The following SMCO4 variants were observed in gnomAD, a reference collection of about 807,000 sequenced individuals.
The protein encoded by SMCO4 is single-pass membrane and coiled-coil domain-containing protein 4.
A neutral mutation model predicts 3.6 loss-of-function variants in SMCO4; 4 were observed. The observed-to-expected ratio is 1.11, with a 90% confidence interval of 0.54 to 2.53. The LOEUF (loss-of-function observed/expected upper bound fraction) is 2.53. Among genes scored for constraint, SMCO4 ranks in the 30% most tolerant of loss-of-function variants. The pLI is 0.02. For synonymous variants in SMCO4, 36 were observed against 35.3 expected (o/e 1.02, Z -0.07); for missense variants, 70 against 80.8 (o/e 0.87, Z 0.51).
At chr11:93,546,044 T>C (rs1949313372), upstream of SMCO4, among the ~76,000 whole-genome samples, 1 of 152,186 alleles carries the variant, frequency 6.6e-6, no homozygotes, top group Admixed American at 6.5e-5. Context: ...AACCCAGGAA[T>C]TGTGAGAAAT....
chr11:93,522,892 A>G (rs1028260583), intron 1 of SMCO4, among the ~76,000 whole-genome samples: 17 of 152,236 alleles, frequency 1.1e-4, no homozygotes, highest in Admixed American at 6.5e-5. Flanking sequence ...AGCCACAGCA[A>G]TAAGAGGGCT....
chr11:93,548,433 G>A, the SMCO4 span, among the ~76,000 whole-genome samples: 2 of 152,180 alleles, frequency 1.3e-5, no homozygotes, highest in African/African-American at 2.4e-5. Flanking sequence ...CCCTGCAAAG[G>A]CTTCAGACCC....
intron 1 of SMCO4, among the ~76,000 whole-genome samples, chr11:93,514,822 C>T (rs1156756688): frequency 1.3e-5 from 2 of 152,162 alleles, no homozygotes; most frequent in Non-Finnish European, 2.9e-5. Context: ...ACATACCAGA[C>T]ATAGCTAAGG....
intron 2 of SMCO4, among the ~76,000 whole-genome samples, chr11:93,492,213 C>T (rs981043807): frequency 1.3e-5 from 2 of 152,196 alleles, no homozygotes; most frequent in African/African-American, 4.8e-5. Flanking sequence ...CCAGTGTTGG[C>T]AACTAACCAT....
At chr11:93,501,214 A>G (rs2134597141) in intron 1 of SMCO4, among the ~76,000 whole-genome samples, 1 of 152,342 alleles carries the variant, frequency 6.6e-6, no homozygotes, top group African/African-American at 2.4e-5. Flanking sequence ...ATAAGTACAG[A>G]AATTGGGAGT....
intron 1 of SMCO4, among the ~76,000 whole-genome samples, chr11:93,520,378 C>T (rs1257304595): frequency 6.6e-6 from 1 of 152,132 alleles, no homozygotes; most frequent in Non-Finnish European, 1.5e-5. Context: ...CATGTTACCC[C>T]GTTTAATCCT....
At chr11:93,500,470 C>G (rs1386966149) in intron 1 of SMCO4, among the ~76,000 whole-genome samples, 1 of 152,198 alleles carries the variant, frequency 6.6e-6, no homozygotes, top group African/African-American at 2.4e-5. Context: ...CAATCACAAA[C>G]TTACCTACTG....
intron 1 of SMCO4, chr11:93,535,443 G>C (rs1949211511): frequency 7.5e-7 from 1 of 1,324,898 alleles, no homozygotes; most frequent in Non-Finnish European, 1.1e-6. Flanking sequence ...GGCTTAAGCA[G>C]AGGGAGTCGA....
intron 1 of SMCO4, among the ~76,000 whole-genome samples, chr11:93,518,572 C>A (rs1246221087): frequency 6.6e-6 from 1 of 152,116 alleles, no homozygotes. Context: ...AAAGAAAAGC[C>A]AGAAGGAAAC....
chr11:93,537,078 C>T (rs571776519), intron 1 of SMCO4, among the ~76,000 whole-genome samples: 1 of 152,230 alleles, frequency 6.6e-6, no homozygotes, highest in Non-Finnish European at 1.5e-5. Context: ...AGTTCTGGGG[C>T]CTTCCTCCCT....
At chr11:93,513,243 T>G (rs1216339709) in intron 1 of SMCO4, among the ~76,000 whole-genome samples, 1 of 152,204 alleles carries the variant, frequency 6.6e-6, no homozygotes. Flanking sequence ...CTATACAGGT[T>G]GTTGTGGGAG....
At chr11:93,504,784 G>T (rs754603918) in intron 1 of SMCO4, among the ~76,000 whole-genome samples, 9 of 152,146 alleles carry the variant, frequency 5.9e-5, no homozygotes, top group Admixed American at 6.5e-5. Flanking sequence ...AAAACAGAAA[G>T]ATGTGTTTTT....
At chr11:93,509,399 A>C (rs890330331) in intron 1 of SMCO4, among the ~76,000 whole-genome samples, 1 of 152,196 alleles carries the variant, frequency 6.6e-6, no homozygotes, top group African/African-American at 2.4e-5. Flanking sequence ...ACTATGGAAA[A>C]CAGTGTGGAG....
chr11:93,534,369 T>G (rs368691873), intron 1 of SMCO4, among the ~76,000 whole-genome samples: 1,103 of 99,712 alleles, frequency 0.011, 18 homozygotes, highest in Middle Eastern at 0.032. Flanking sequence ...TATATATATA[T>G]ATATATAGAG....
At chr11:93,544,657 G>A (rs993243658), upstream of SMCO4, among the ~76,000 whole-genome samples, 9 of 151,984 alleles carry the variant, frequency 5.9e-5, no homozygotes, top group African/African-American at 2.2e-4. Flanking sequence ...ATTTTTACAG[G>A]AAGTGTCCTT....
upstream of SMCO4, among the ~76,000 whole-genome samples, chr11:93,547,568 G>A (rs939208718): frequency 5.9e-5 from 9 of 152,098 alleles, no homozygotes; most frequent in Admixed American, 1.3e-4. Context: ...CTCCCTCCAC[G>A]AGAAAAGGGA....
chr11:93,526,754 C>T lies in SMCO4; in HGVS notation c.-154+16522G>A, dbSNP rs148798498. On this transcript the variant is annotated intron_variant, in intron 1 of 2. Coordinates refer to ENST00000298966, the MANE Select transcript of SMCO4 (RefSeq NM_020179.3). ...TCCCTACATCATGACATTTAATCAT[C>T]ACCACCATCCTGGGAGGCAGGTGGA... is the stretch of plus-strand genomic sequence containing the variant. Among the ~76,000 whole-genome samples, 29 of 152,238 alleles carry T rather than the reference C, an allele frequency of 1.9e-4. No individual in the cohort carries two copies. In the East Asian group the frequency reaches 5.0e-3, roughly 26 times the overall value.
chr11:93,481,762 A>G (rs1948595259), intron 2 of SMCO4, among the ~76,000 whole-genome samples: 1 of 152,248 alleles, frequency 6.6e-6, no homozygotes, highest in Admixed American at 6.5e-5. Flanking sequence ...GAAACAAGCC[A>G]TTAGCAGCAC....
upstream of SMCO4, among the ~76,000 whole-genome samples, chr11:93,544,961 G>T (rs971497393): frequency 6.6e-6 from 1 of 152,188 alleles, no homozygotes; most frequent in African/African-American, 2.4e-5. Flanking sequence ...CGTGTGTGAG[G>T]TAAGTTTCCT....
Sources: allele counts gnomAD v4.1 joint callset (sites outside exome capture counted in the v4.1 genomes callset), GRCh38; gene constraint gnomAD v4.1.1; transcripts MANE v1.5; gene names NCBI Gene and HGNC (gene_info 2026-07-23, HGNC 2026-07-21).